SLC4A8: variants seen among roughly 807,000 people sequenced by gnomAD.
The protein encoded by SLC4A8 is solute carrier family 4 member 8.
In SLC4A8, 40 loss-of-function variants were observed where a neutral mutation model predicts 125.0. That is an observed-to-expected ratio of 0.32 (90% CI 0.25 to 0.42). The LOEUF is 0.42. SLC4A8 is among the 10% of genes least tolerant of loss of function. The probability of loss-of-function intolerance (pLI) is 1.00; values close to 1 mark genes in which losing one functional copy is unlikely to be tolerated. For missense variants in SLC4A8, 863 were observed against 1,355.1 expected (o/e 0.64, Z 5.70); for synonymous variants, 456 against 476.0 (o/e 0.96, Z 0.55).
chr12:51,409,283 CT>C (rs979056033), intron 1 of SLC4A8, among the ~76,000 whole-genome samples: 6 of 152,228 alleles, frequency 3.9e-5, no homozygotes, highest in South Asian at 4.1e-4. Context: ...ATTTTAATGA[CT>C]TTTTTTCTTC....
At chr12:51,445,853 ACC>A (rs35716183) in intron 2 of SLC4A8, among the ~76,000 whole-genome samples, 2 of 151,212 alleles carry the variant, frequency 1.3e-5, no homozygotes, top group African/African-American at 4.9e-5. Context: ...TTCATTTCTG[ACC>A]CCCCCCAAGC....
intron 1 of SLC4A8, chr12:51,425,248 T>A (rs1315251631): frequency 3.7e-6 from 5 of 1,353,092 alleles, no homozygotes; most frequent in African/African-American, 1.5e-5. Context: ...ACCTGGGATC[T>A]GGCCCATCTC....
At chr12:51,426,085 C>T (rs1302273379) in intron 1 of SLC4A8, among the ~76,000 whole-genome samples, 2 of 152,118 alleles carry the variant, frequency 1.3e-5, no homozygotes, top group East Asian at 1.9e-4. Flanking sequence ...AAGGATGACA[C>T]GTCTTGGAAA....
At chr12:51,492,535 C>T (rs952282300) in intron 19 of SLC4A8, among the ~76,000 whole-genome samples, 1 of 152,184 alleles carries the variant, frequency 6.6e-6, no homozygotes, top group African/African-American at 2.4e-5. Context: ...CGGCAGTGGC[C>T]ATCCCTGGGC....
intron 2 of SLC4A8, among the ~76,000 whole-genome samples, chr12:51,444,077 A>T (rs1949689494): frequency 6.6e-6 from 1 of 152,096 alleles, no homozygotes; most frequent in African/African-American, 2.4e-5. Flanking sequence ...CCTTTTTTGG[A>T]AAAAAGAATG....
At chr12:51,474,242 G>A in intron 14 of SLC4A8, 100 bp from the exon 15 acceptor site, 1 of 692,896 alleles carries the variant, frequency 1.4e-6, no homozygotes, top group South Asian at 2.2e-5. Flanking sequence ...CAAAGAAGCA[G>A]CAAGGCAGCT....
At chr12:51,461,523 T>C (rs970929139) in intron 9 of SLC4A8, 6 of 395,892 alleles carry the variant, frequency 1.5e-5, no homozygotes, top group Non-Finnish European at 2.7e-5. Context: ...CAGAGAAATC[T>C]TTTTCTGGGG....
intron 2 of SLC4A8, among the ~76,000 whole-genome samples, chr12:51,445,159 T>C (rs1774381206): frequency 6.6e-6 from 1 of 152,088 alleles, no homozygotes; most frequent in South Asian, 2.1e-4. Flanking sequence ...AAAGTGGTTG[T>C]TTAGTTTTAA....
intron 5 of SLC4A8, 149 bp downstream of exon 5, chr12:51,453,848 G>T: frequency 1.6e-6 from 1 of 615,814 alleles, no homozygotes; most frequent in Non-Finnish European, 2.8e-6. Context: ...CTTGGCTGTG[G>T]GAAGGGTTTC....
intron 11 of SLC4A8, among the ~76,000 whole-genome samples, chr12:51,464,137 C>T (rs1483918926): frequency 3.9e-5 from 6 of 152,144 alleles, no homozygotes; most frequent in African/African-American, 1.4e-4. Context: ...CCCCACATTA[C>T]AGCCTTTATC....
chr12:51,489,435 C>T (rs1315289351), intron 18 of SLC4A8, among the ~76,000 whole-genome samples: 1 of 152,166 alleles, frequency 6.6e-6, no homozygotes, highest in Non-Finnish European at 1.5e-5. Flanking sequence ...AAGAATGGAT[C>T]TTTGAATGTG....
Position 51,489,861 on chromosome 12 carries a change from C to A in SLC4A8, c.2610C>A (p.Pro870=). 6.2e-7 allele frequency: 1 copy of A among 1,614,190 alleles called. No homozygotes were observed. Among genetic ancestry groups the A allele is most frequent in the Non-Finnish European group, 8.5e-7 (1 of 1,180,018 alleles). Reference sequence around the variant, plus strand: ...AATGCTCTGCTCCTGGAGAACAGCCCAAGTTCCTGGGCATCCGAGAACAGA... The same window carrying A: ...AATGCTCTGCTCCTGGAGAACAGCCAAAGTTCCTGGGCATCCGAGAACAGA... ...ESECSAPGEQ[P]KFLGIREQRV... Residue 870 remains proline (P), a synonymous_variant, in exon 19 of 25, where the codon CCC becomes CCA. Transcript: ENST00000453097.
At chr12:51,471,221 T>A in intron 13 of SLC4A8, 66 bp from the exon 14 acceptor site, 1 of 1,495,566 alleles carries the variant, frequency 6.7e-7, no homozygotes, top group East Asian at 2.3e-5. Flanking sequence ...ATTAACCACA[T>A]TTCTGACTCC....
intron 1 of SLC4A8, among the ~76,000 whole-genome samples, chr12:51,439,139 C>T (rs1949511710): frequency 6.6e-6 from 1 of 152,146 alleles, no homozygotes; most frequent in Non-Finnish European, 1.5e-5. Context: ...TCACTGCAAC[C>T]TCTGCCTCCC....
intron 1 of SLC4A8, among the ~76,000 whole-genome samples, chr12:51,406,125 G>A (rs998410100): frequency 4.6e-5 from 7 of 152,202 alleles, no homozygotes; most frequent in Non-Finnish European, 2.9e-5. Flanking sequence ...CAGAGGCAGC[G>A]GTAGCAGCAG....
chr12:51,438,048 G>T (rs1442030024), intron 1 of SLC4A8, among the ~76,000 whole-genome samples: 1 of 152,054 alleles, frequency 6.6e-6, no homozygotes, highest in African/African-American at 2.4e-5. Context: ...TATTCATTGG[G>T]GTGCATGGTG....
intron 7 of SLC4A8, among the ~76,000 whole-genome samples, chr12:51,459,009 A>G (rs960664006): frequency 3.3e-5 from 5 of 152,210 alleles, no homozygotes; most frequent in Admixed American, 1.3e-4. Flanking sequence ...TTGGATATCT[A>G]TTTAGAGACA....
chr12:51,469,855 C>G (rs1464033337), intron 12 of SLC4A8, 67 bp downstream of exon 12: 8 of 1,476,372 alleles, frequency 5.4e-6, no homozygotes, highest in East Asian at 2.3e-5. Flanking sequence ...GCAGCCAGGT[C>G]CACTGTGGGG....
At chr12:51,474,106 G>T (rs1201325652) in intron 14 of SLC4A8, among the ~76,000 whole-genome samples, 2 of 152,136 alleles carry the variant, frequency 1.3e-5, no homozygotes, top group East Asian at 3.9e-4. Flanking sequence ...GCCAAATGTG[G>T]TTATCAGCAC....
Sources: gnomAD v4.1 joint callset for allele counts (sites outside exome capture counted in the v4.1 genomes callset) on GRCh38, gnomAD v4.1.1 for gene constraint, MANE v1.5 for transcripts, NCBI Gene and HGNC (gene_info 2026-07-23, HGNC 2026-07-21) for gene names.